DOCK4: variants seen among roughly 807,000 people sequenced by gnomAD.
DOCK4 encodes the protein dedicator of cytokinesis protein 4.
In DOCK4, 97 loss-of-function variants were observed where a neutral mutation model predicts 268.1. The observed-to-expected ratio is 0.36, with a 90% CI of 0.31 to 0.43. The LOEUF is 0.43. Among genes scored for constraint, DOCK4 ranks in the 20% least tolerant of loss-of-function variants. The probability of loss-of-function intolerance (pLI) is 1.00; values close to 1 mark genes in which losing one functional copy is unlikely to be tolerated. For synonymous variants in DOCK4, 954 were observed against 887.2 expected, an observed-to-expected ratio of 1.08 and a Z score of -1.34; for missense variants, 2,145 against 2,455.7, an observed-to-expected ratio of 0.87 and a Z score of 2.67.
intron 7 of DOCK4, among the ~76,000 whole-genome samples, chr7:111,983,851 C>CGT (rs1204685018): frequency 1.1e-3 from 89 of 81,406 alleles, no homozygotes; most frequent in African/African-American, 4.1e-3. Context: ...CACACGCGCG[C>CGT]GCGCGCGCGC....
intron 35 of DOCK4, among the ~76,000 whole-genome samples, chr7:111,782,571 G>A (rs1798850395): frequency 6.6e-6 from 1 of 152,268 alleles, no homozygotes; most frequent in African/African-American, 2.4e-5. Flanking sequence ...CTAGGAGGGT[G>A]AAGTAGTGCA....
At chr7:112,119,636 G>C (rs1440047861) in intron 1 of DOCK4, among the ~76,000 whole-genome samples, 2 of 152,152 alleles carry the variant, frequency 1.3e-5, no homozygotes, top group Non-Finnish European at 2.9e-5. Flanking sequence ...TGGTTATTAA[G>C]TCTGAGTTCT....
chr7:111,879,089 G>A (rs1807157723), intron 16 of DOCK4, among the ~76,000 whole-genome samples: 3 of 151,910 alleles, frequency 2.0e-5, no homozygotes, highest in African/African-American at 7.3e-5. Context: ...TGCTTGAGGA[G>A]AGAAGAGTGA....
At position 111,778,488 on chromosome 7, in the gene DOCK4, T is replaced by G. The variant is rs1004165240; in HGVS notation, c.3586-119A>C. ...AAGAGAACGGATTCATTTTTCCATG[T>G]AAATATCTCTAAAAATGAAATAAGG... On this transcript the variant is annotated intron_variant, in intron 35 of 52. Transcript: ENST00000428084. 12 of 508,706 alleles carry G rather than the reference T, an allele frequency of 2.4e-5. No homozygotes were observed. In the Admixed American group the frequency reaches 3.4e-4, roughly 15 times the overall value. 31.5% of individuals were successfully genotyped at this position (508,706 alleles called of 1,614,324 possible). A position where few individuals can be genotyped will look rare whatever the true frequency, so the allele number is the denominator to read the frequency against.
At chr7:111,922,002 T>C (rs1000379117) in intron 12 of DOCK4, among the ~76,000 whole-genome samples, 1 of 152,226 alleles carries the variant, frequency 6.6e-6, no homozygotes, top group African/African-American at 2.4e-5. Flanking sequence ...AACAATCCTC[T>C]AACATAGGAG....
intron 1 of DOCK4, among the ~76,000 whole-genome samples, chr7:112,147,299 T>C (rs993303556): frequency 6.6e-6 from 1 of 152,192 alleles, no homozygotes; most frequent in Non-Finnish European, 1.5e-5. Context: ...AAGTAAAATA[T>C]GTTTTGGGCG....
At position 112,187,748 on chromosome 7, in the gene DOCK4, T is replaced by A. The variant is rs566489270; in HGVS notation, c.37+18354A>T. Among the ~76,000 whole-genome samples, 26 of 152,324 alleles carry A rather than the reference T, an allele frequency of 1.7e-4. 1 individual carries two copies. The South Asian group carries it at 4.3e-3, about 25-fold the overall frequency. On this transcript the variant is annotated intron_variant, in intron 1 of 52. Coordinates refer to ENST00000428084, the MANE Select transcript of DOCK4 (RefSeq NM_001363540.2). ...GAGTAAATGCAACCAGTCGATGGAA[T>A]CTGACCAATTTTGCACAGTATGGTC...
chr7:111,795,334 C>T (rs1427381669), intron 30 of DOCK4, among the ~76,000 whole-genome samples: 2 of 152,124 alleles, frequency 1.3e-5, no homozygotes, highest in Non-Finnish European at 2.9e-5. Flanking sequence ...CCAGCTTCAT[C>T]CCTGGCCCCA....
intron 1 of DOCK4, among the ~76,000 whole-genome samples, chr7:112,054,223 T>C (rs934047379): frequency 3.3e-5 from 5 of 152,056 alleles, no homozygotes; most frequent in Non-Finnish European, 7.4e-5. Context: ...AGGAAATGAG[T>C]ACCTCCACCT....
chr7:111,754,964 G>T (rs1265642012), intron 42 of DOCK4, among the ~76,000 whole-genome samples: 1 of 152,204 alleles, frequency 6.6e-6, no homozygotes, highest in Non-Finnish European at 1.5e-5. Flanking sequence ...CTTGACATTA[G>T]CCTCCTTCAG....
intron 30 of DOCK4, among the ~76,000 whole-genome samples, chr7:111,792,686 A>G (rs1268436965): frequency 6.6e-6 from 1 of 152,074 alleles, no homozygotes; most frequent in Non-Finnish European, 1.5e-5. Flanking sequence ...CCTGGCTTAC[A>G]GGGTTTTTTT....
At chr7:112,128,027 G>A (rs115980695) in intron 1 of DOCK4, among the ~76,000 whole-genome samples, 1,734 of 152,180 alleles carry the variant, frequency 0.011, 34 homozygotes, top group African/African-American at 0.039. Context: ...AGACTCTGTC[G>A]GGGGTGAGGG....
At chr7:112,109,049 G>A (rs1811392129) in intron 1 of DOCK4, among the ~76,000 whole-genome samples, 1 of 152,068 alleles carries the variant, frequency 6.6e-6, no homozygotes, top group South Asian at 2.1e-4. Context: ...GGATGTAAGA[G>A]GAACGTGCCT....
intron 1 of DOCK4, among the ~76,000 whole-genome samples, chr7:112,178,418 G>T (rs141857794): frequency 1.3e-5 from 2 of 152,320 alleles, no homozygotes; most frequent in East Asian, 1.9e-4. Context: ...GGGGAGCTAT[G>T]AGAGACCAAA....
intron 39 of DOCK4, among the ~76,000 whole-genome samples, chr7:111,762,762 CTTTTTTTTTTTTT>C (rs869052136): frequency 4.8e-5 from 3 of 63,068 alleles, no homozygotes; most frequent in South Asian, 8.8e-4. Context: ...GTTTTGTTTT[CTTTTTTTTTTTTT>C]TTTTTTTTTT....
intron 1 of DOCK4, among the ~76,000 whole-genome samples, chr7:112,103,579 G>T (rs1810875804): frequency 6.6e-6 from 1 of 152,134 alleles, no homozygotes; most frequent in Non-Finnish European, 1.5e-5. Context: ...GATCTATATA[G>T]AATTTTAAAA....
chr7:112,136,059 T>G (rs955330630), intron 1 of DOCK4, among the ~76,000 whole-genome samples: 43 of 152,182 alleles, frequency 2.8e-4, no homozygotes, highest in African/African-American at 1.0e-3. Context: ...GGGGAATTAT[T>G]TGGGCCAATT....
intron 1 of DOCK4, among the ~76,000 whole-genome samples, chr7:112,151,859 A>G (rs1816122378): frequency 6.6e-6 from 1 of 151,958 alleles, no homozygotes; most frequent in Non-Finnish European, 1.5e-5. Flanking sequence ...AAAAACAAAA[A>G]ACCTGTGCCT....
chr7:112,013,042 C>T (rs1801487395), intron 1 of DOCK4, among the ~76,000 whole-genome samples: 1 of 152,158 alleles, frequency 6.6e-6, no homozygotes, highest in African/African-American at 2.4e-5. Context: ...ACCCAGCCTC[C>T]ACACACACCA....
Sources: gnomAD v4.1 joint callset for allele counts (sites outside exome capture counted in the v4.1 genomes callset) on GRCh38, gnomAD v4.1.1 for gene constraint, MANE v1.5 for transcripts, NCBI Gene and HGNC (gene_info 2026-07-23, HGNC 2026-07-21) for gene names.